Variants in PDE4B observed in about 807,000 individuals in gnomAD.
PDE4B encodes the protein 3',5'-cyclic-AMP phosphodiesterase 4B.
Under a neutral mutation model 82.2 loss-of-function variants are expected in PDE4B, and 20 were observed. The ratio of observed to expected loss-of-function variants is 0.24; its 90% confidence interval spans 0.17 to 0.35. PDE4B has a LOEUF of 0.35. Ranked by LOEUF, PDE4B falls within the 10% of genes least tolerant of loss-of-function variation. The pLI, the probability that PDE4B is intolerant of heterozygous loss-of-function variation, is 1.00. For missense variants in PDE4B, 655 were observed against 907.2 expected, an observed-to-expected ratio of 0.72 and a Z score of 3.57; for synonymous variants, 320 against 318.9, an observed-to-expected ratio of 1.00 and a Z score of -0.04.
intron 3 of PDE4B, among the ~76,000 whole-genome samples, chr1:66,167,571 T>G (rs1391915093): frequency 6.6e-6 from 1 of 152,160 alleles, no homozygotes; most frequent in Non-Finnish European, 1.5e-5. Context: ...GTGAATATAT[T>G]AAAAACCATT....
At chr1:65,879,226 G>A (rs1646683218) in intron 1 of PDE4B, among the ~76,000 whole-genome samples, 1 of 152,094 alleles carries the variant, frequency 6.6e-6, no homozygotes, top group Admixed American at 6.6e-5. Context: ...CCCAAAGCAG[G>A]GAAGGGAAAA....
chr1:65,993,958 T>C (rs1651392180), intron 3 of PDE4B, among the ~76,000 whole-genome samples: 3 of 152,158 alleles, frequency 2.0e-5, no homozygotes, highest in Non-Finnish European at 4.4e-5. Flanking sequence ...ATTAAATCAC[T>C]TTTACTGTGA....
At chr1:65,881,483 G>T (rs1397195658) in intron 1 of PDE4B, among the ~76,000 whole-genome samples, 1 of 152,148 alleles carries the variant, frequency 6.6e-6, no homozygotes, top group Non-Finnish European at 1.5e-5. Flanking sequence ...GATCCTGAGA[G>T]TACTCCCTAA....
chr1:66,131,420 G>T (rs971275915), intron 3 of PDE4B, among the ~76,000 whole-genome samples: 2 of 150,600 alleles, frequency 1.3e-5, no homozygotes, highest in African/African-American at 4.9e-5. Flanking sequence ...GAGAAATCAT[G>T]TTTAAAGAAC....
intron 7 of PDE4B, among the ~76,000 whole-genome samples, chr1:66,271,753 C>G (rs1025404382): frequency 6.6e-6 from 1 of 152,102 alleles, no homozygotes; most frequent in African/African-American, 2.4e-5. Flanking sequence ...AAGGGAGGTA[C>G]CCCACTTTTA....
At chr1:65,868,246 A>G (rs926190802) in intron 1 of PDE4B, among the ~76,000 whole-genome samples, 1 of 152,186 alleles carries the variant, frequency 6.6e-6, no homozygotes, top group Non-Finnish European at 1.5e-5. Context: ...AGGCATTTCT[A>G]TCATCATCTC....
At chr1:65,966,279 G>A (rs1485097070) in intron 3 of PDE4B, among the ~76,000 whole-genome samples, 1 of 152,098 alleles carries the variant, frequency 6.6e-6, no homozygotes, top group Non-Finnish European at 1.5e-5. Context: ...GCCAAATCAT[G>A]AGTGAACTCC....
intron 7 of PDE4B, chr1:66,330,690 G>C: frequency 1.3e-6 from 1 of 779,288 alleles, no homozygotes; most frequent in Non-Finnish European, 1.6e-6. Flanking sequence ...GGAGGGTTCT[G>C]TCTCTTCAGA....
At chr1:66,280,538 T>C (rs536739213) in intron 7 of PDE4B, among the ~76,000 whole-genome samples, 2 of 152,272 alleles carry the variant, frequency 1.3e-5, no homozygotes, top group South Asian at 2.1e-4. Flanking sequence ...TTCCACAGAG[T>C]TGAGTATGAA....
At chr1:66,029,313 G>C (rs1378706032) in intron 3 of PDE4B, among the ~76,000 whole-genome samples, 1 of 152,140 alleles carries the variant, frequency 6.6e-6, no homozygotes, top group African/African-American at 2.4e-5. Context: ...CTCTCCCTGA[G>C]TCCCTCCCAC....
chr1:66,030,425 A>G (rs12757542), intron 3 of PDE4B, among the ~76,000 whole-genome samples: 33,243 of 152,162 alleles, frequency 0.22, 4,147 homozygotes, highest in Middle Eastern at 0.36. Context: ...TGGTAGGATT[A>G]ATATCAGTTC....
chr1:66,072,131 C>G (rs1484974565), intron 3 of PDE4B, among the ~76,000 whole-genome samples: 1 of 152,070 alleles, frequency 6.6e-6, no homozygotes, highest in Non-Finnish European at 1.5e-5. Flanking sequence ...GCACAGGAAG[C>G]TTTAAGCCAA....
At chr1:65,941,003 T>C (rs1312887593) in intron 3 of PDE4B, among the ~76,000 whole-genome samples, 3 of 152,022 alleles carry the variant, frequency 2.0e-5, no homozygotes, top group Admixed American at 1.3e-4. Context: ...TATTTTGCTT[T>C]TTTTTGCTTC....
intron 3 of PDE4B, among the ~76,000 whole-genome samples, chr1:66,180,249 A>G (rs1214056201): frequency 6.6e-6 from 1 of 152,226 alleles, no homozygotes; most frequent in African/African-American, 2.4e-5. Flanking sequence ...AGGGGCAGAA[A>G]ATATGTGAAC....
At chr1:66,239,782 T>C (rs923670757) in intron 3 of PDE4B, among the ~76,000 whole-genome samples, 4 of 152,220 alleles carry the variant, frequency 2.6e-5, no homozygotes, top group Non-Finnish European at 1.5e-5. Flanking sequence ...ACAATTTCAG[T>C]AGAGAAACTA....
At chr1:66,073,016 T>C (rs753140302) in intron 3 of PDE4B, among the ~76,000 whole-genome samples, 16 of 23,752 alleles carry the variant, frequency 6.7e-4, no homozygotes, top group Non-Finnish European at 9.4e-4. Context: ...CCTTTAGCCC[T>C]TTTTTTTTTT....
chr1:66,071,948 G>A (rs1211289278), intron 3 of PDE4B, among the ~76,000 whole-genome samples: 1 of 152,000 alleles, frequency 6.6e-6, no homozygotes, highest in East Asian at 1.9e-4. Flanking sequence ...GGTACAAAGA[G>A]CCTAGGTGAC....
intron 3 of PDE4B, among the ~76,000 whole-genome samples, chr1:66,041,753 A>G (rs1336720167): frequency 6.6e-6 from 1 of 151,206 alleles, no homozygotes; most frequent in Non-Finnish European, 1.5e-5. Flanking sequence ...TTTCTGGGTC[A>G]TGAATAACTT....
At chr1:66,274,337 T>A (rs1655724289) in intron 7 of PDE4B, among the ~76,000 whole-genome samples, 2 of 151,962 alleles carry the variant, frequency 1.3e-5, no homozygotes, top group Admixed American at 1.3e-4. Flanking sequence ...ATTTTTTTTT[T>A]TTTTTATATA....
Sources: allele counts gnomAD v4.1 joint callset (sites outside exome capture counted in the v4.1 genomes callset), GRCh38; gene constraint gnomAD v4.1.1; transcripts MANE v1.5; gene names NCBI Gene and HGNC (gene_info 2026-07-23, HGNC 2026-07-21).